The following PCDHA6 variants were observed in gnomAD, a reference collection of about 807,000 sequenced individuals.
PCDHA6 encodes the protein protocadherin alpha-6.
PCDHA6 carries 55 observed loss-of-function variants against 60.3 expected under a neutral mutation model. The observed-to-expected ratio is 0.91, with a 90% CI of 0.73 to 1.14. The LOEUF (loss-of-function observed/expected upper bound fraction) is 1.14, where lower values mean the gene tolerates loss of function less well. PCDHA6 is among the 50% of genes most tolerant of loss of function. The pLI is 0.00. For synonymous variants in PCDHA6, 652 were observed against 557.9 expected (o/e 1.17, Z -2.38); for missense variants, 1,327 against 1,256.5 (o/e 1.06, Z -0.85).
chr5:140,829,158 C>A lies in PCDHA6; in HGVS notation c.1067C>A (p.Ser356Tyr). The A allele has an allele frequency of 6.2e-7, 1 of 1,614,016 alleles. No homozygotes were observed. Among genetic ancestry groups the A allele is most frequent in the Non-Finnish European group, 8.5e-7 (1 of 1,179,866 alleles). Residue 356 changes from serine (S) to tyrosine (Y), a missense_variant, in exon 1 of 4, where the codon TCC becomes TAC. By Grantham distance (144) the Ser-to-Tyr change is moderately radical (BLOSUM62 -2). Transcript: ENST00000529310. ...CCTGAGATAGCACTGACTTCCTTAT[C>A]CTTGCCTGTACGTGAAGACGCTCAA... ...NVPEIALTSL[S>Y]LPVREDAQFG...
At chr5:140,887,442 T>C (rs2061450115) in intron 1 of PCDHA6, among the ~76,000 whole-genome samples, 1 of 152,180 alleles carries the variant, frequency 6.6e-6, no homozygotes, top group Non-Finnish European at 1.5e-5. Context: ...CTGGGCATAG[T>C]TGACAGTTTT....
intron 1 of PCDHA6, chr5:140,929,315 T>C: frequency 6.4e-7 from 1 of 1,559,382 alleles, no homozygotes; most frequent in African/African-American, 1.4e-5. Context: ...CACGCTAATG[T>C]CAATGCCATG....
chr5:140,890,344 A>G (rs1482265903), intron 1 of PCDHA6, among the ~76,000 whole-genome samples: 1 of 152,196 alleles, frequency 6.6e-6, no homozygotes, highest in Admixed American at 6.5e-5. Context: ...GGGATGGTTT[A>G]CTATATAGCA....
Position 140,847,575 on chromosome 5 carries a change from A to C in PCDHA6, c.2394+17090A>C, listed in dbSNP as rs187622781. On this transcript the variant is annotated intron_variant, in intron 1 of 3. Coordinates refer to ENST00000529310, the MANE Select transcript of PCDHA6 (RefSeq NM_018909.4). The stretch of plus-strand genomic sequence containing the variant: ...ACAGAAATTGCCCCGAGTACTAAGG[A>C]TGAGCAATAATGAAATTAAAACATA... 1.3e-4 allele frequency: 19 copies of C among 149,686 alleles called. 1 individual carries two copies. In the East Asian group the frequency reaches 3.7e-3, roughly 29 times the overall value. 9.3% of individuals were successfully genotyped at this position (149,686 alleles called of 1,614,324 possible). A position where few individuals can be genotyped will look rare whatever the true frequency, so the allele number is the denominator to read the frequency against.
At chr5:140,870,860 C>A (rs782404408) in intron 1 of PCDHA6, 6 of 1,613,882 alleles carry the variant, frequency 3.7e-6, no homozygotes, top group Non-Finnish European at 2.5e-6. Context: ...TCGGTGGGTG[C>A]GGGCCACGTG....
At chr5:140,998,300 G>C (rs1287043977) in intron 3 of PCDHA6, among the ~76,000 whole-genome samples, 1 of 152,194 alleles carries the variant, frequency 6.6e-6, no homozygotes, top group Non-Finnish European at 1.5e-5. Context: ...CACACATTTA[G>C]TAAGGGCACC....
At chr5:140,871,125 G>A (rs1387416665) in intron 1 of PCDHA6, 1 of 1,613,330 alleles carries the variant, frequency 6.2e-7, no homozygotes. Context: ...GCGGACAGGC[G>A]CCAAAGGCCT....
intron 1 of PCDHA6, chr5:140,849,713 G>T (rs2150446260): frequency 1.9e-6 from 3 of 1,598,578 alleles, no homozygotes; most frequent in Non-Finnish European, 2.6e-6. Context: ...ATTACTACTC[G>T]TTGGTGCTGG....
intron 1 of PCDHA6, among the ~76,000 whole-genome samples, chr5:140,838,081 T>TA (rs1554136867): frequency 2.0e-3 from 27 of 13,358 alleles, no homozygotes; most frequent in Middle Eastern, 0.036. Flanking sequence ...ATATATAGTG[T>TA]GTGTGTGTGT....
intron 1 of PCDHA6, among the ~76,000 whole-genome samples, chr5:140,970,706 A>G (rs1266484266): frequency 6.6e-6 from 1 of 152,224 alleles, no homozygotes; most frequent in Non-Finnish European, 1.5e-5. Context: ...CTACTACACA[A>G]TGTGTGAACA....
At chr5:140,851,474 T>C in intron 1 of PCDHA6, 9 of 889,824 alleles carry the variant, frequency 1.0e-5, no homozygotes, top group Non-Finnish European at 1.2e-5. Context: ...TCAATAAATG[T>C]TATAAACACA....
At chr5:141,001,705 G>A (rs2098033380) in intron 3 of PCDHA6, among the ~76,000 whole-genome samples, 1 of 152,194 alleles carries the variant, frequency 6.6e-6, no homozygotes, top group African/African-American at 2.4e-5. Context: ...GAAATAGGGG[G>A]CGGGGAAGGA....
chr5:140,997,834 C>T (rs1385482729), intron 3 of PCDHA6, among the ~76,000 whole-genome samples: 2 of 152,106 alleles, frequency 1.3e-5, no homozygotes, highest in Non-Finnish European at 2.9e-5. Context: ...CTAAACAATA[C>T]AATATACATT....
intron 1 of PCDHA6, chr5:140,834,464 G>A (rs2150218984): frequency 2.5e-6 from 4 of 1,614,188 alleles, no homozygotes; most frequent in East Asian, 4.5e-5. Context: ...GGGAGGCAGG[G>A]AGAGGCCAGC....
At chr5:140,942,105 A>G (rs572263085) in intron 1 of PCDHA6, among the ~76,000 whole-genome samples, 2 of 152,344 alleles carry the variant, frequency 1.3e-5, no homozygotes, top group South Asian at 2.1e-4. Context: ...CATTCATATA[A>G]TCAAACTTTA....
At chr5:140,838,002 T>TA (rs1491059163) in intron 1 of PCDHA6, among the ~76,000 whole-genome samples, 1 of 151,590 alleles carries the variant, frequency 6.6e-6, no homozygotes, top group African/African-American at 2.4e-5. Context: ...TCCTTTTTTT[T>TA]AAAAAAAGAA....
chr5:140,842,355 A>G lies in PCDHA6; in HGVS notation c.2394+11870A>G, dbSNP rs2150334539. ...TTAGTGAGAATTTTGGATAAAAATG[A>G]TAACGTCCCTGAGATAGCACTGACT... On this transcript the variant is annotated intron_variant, in intron 1 of 3. Transcript: ENST00000529310. The G allele has an allele frequency of 9.3e-6, 15 of 1,607,494 alleles. 1 individual carries two copies. In the East Asian group the frequency reaches 3.1e-4, roughly 33 times the overall value.
chr5:140,876,732 C>T, intron 1 of PCDHA6: 1 of 1,614,246 alleles, frequency 6.2e-7, no homozygotes, highest in South Asian at 1.1e-5. Context: ...GCGTGTCGGC[C>T]TATGAGCTGG....
At chr5:140,881,244 CG>C in intron 1 of PCDHA6, 1 of 397,012 alleles carries the variant, frequency 2.5e-6, no homozygotes, top group Non-Finnish European at 3.4e-6. Flanking sequence ...ATTTAAATGA[CG>C]GCAAGGTTTT....
Sources: gnomAD v4.1 joint callset for allele counts (sites outside exome capture counted in the v4.1 genomes callset) on GRCh38, gnomAD v4.1.1 for gene constraint, MANE v1.5 for transcripts, NCBI Gene and HGNC (gene_info 2026-07-23, HGNC 2026-07-21) for gene names.